The following FGF12 variants were observed in gnomAD, a reference collection of about 807,000 sequenced individuals.
The protein encoded by FGF12 is fibroblast growth factor 12B.
In FGF12, 14 loss-of-function variants were observed where a neutral mutation model predicts 23.6. That is an observed-to-expected ratio of 0.59 (90% confidence interval 0.39 to 0.93). The LOEUF (loss-of-function observed/expected upper bound fraction) is 0.93, where lower values mean the gene tolerates loss of function less well. Among genes scored for constraint, FGF12 ranks in the 40% least tolerant of loss-of-function variants. The pLI is 0.00. For missense variants in FGF12, 175 were observed against 217.8 expected (o/e 0.80, Z 1.24); for synonymous variants, 62 against 77.3 (o/e 0.80, Z 1.04).
chr3:192,319,272 A>C (rs1469099789), intron 4 of FGF12, among the ~76,000 whole-genome samples: 4 of 152,150 alleles, frequency 2.6e-5, no homozygotes, highest in Admixed American at 2.6e-4. Flanking sequence ...ATATCCTGAA[A>C]AGGAAGACTA....
chr3:192,633,203 G>A (rs1715452992), intron 2 of FGF12, among the ~76,000 whole-genome samples: 1 of 152,004 alleles, frequency 6.6e-6, no homozygotes, highest in African/African-American at 2.4e-5. Flanking sequence ...ACATGACCAT[G>A]CCCAGCTAGT....
chr3:192,293,979 G>A (rs1193121626), intron 4 of FGF12, among the ~76,000 whole-genome samples: 1 of 152,170 alleles, frequency 6.6e-6, no homozygotes, highest in Non-Finnish European at 1.5e-5. Flanking sequence ...ATTCACTCAA[G>A]TTGTGGGAGG....
At chr3:192,209,555 G>T (rs1480901551) in intron 4 of FGF12, among the ~76,000 whole-genome samples, 1 of 152,196 alleles carries the variant, frequency 6.6e-6, no homozygotes, top group African/African-American at 2.4e-5. Context: ...GGATAAACAT[G>T]CACAAGATGA....
At chr3:192,529,008 A>AAT (rs1725022467) in intron 2 of FGF12, among the ~76,000 whole-genome samples, 1 of 152,064 alleles carries the variant, frequency 6.6e-6, no homozygotes, top group Admixed American at 6.6e-5. Context: ...ACATTTTTTC[A>AAT]TTGTCTTGGG....
chr3:192,408,005 C>G lies in FGF12; in HGVS notation c.14-47467G>C. The stretch of plus-strand genomic sequence containing the variant: ...GAGGGCGTCCCCTCTGGGGAGCCCA[C>G]TCTCCGGGCTTCTACTGACCTGGTC... On this transcript the variant is annotated intron_variant, in intron 2 of 5. Transcript: ENST00000445105. This position sits in a 1 kb window ranked among gnomAD's most constrained non-coding sequence, Gnocchi z 7.3. The G allele has an allele frequency of 6.3e-7, 1 of 1,589,950 alleles. No individual in the cohort carries two copies. Among genetic ancestry groups the G allele is most frequent in the Middle Eastern group, 1.7e-4 (1 of 5,914 alleles).
At chr3:192,193,806 A>G (rs565249505) in intron 4 of FGF12, among the ~76,000 whole-genome samples, 54 of 152,048 alleles carry the variant, frequency 3.6e-4, no homozygotes, top group African/African-American at 1.2e-3. Context: ...ATGCATTATA[A>G]TTTGTATATG....
chr3:192,686,532 A>C (rs1365144112), intron 2 of FGF12, among the ~76,000 whole-genome samples: 1 of 151,982 alleles, frequency 6.6e-6, no homozygotes, highest in Non-Finnish European at 1.5e-5. Flanking sequence ...TAAGATATTA[A>C]CTTACATTTG....
In FGF12 at chr3:192,252,193, G is replaced by C. The variant is rs907396518; in HGVS notation, c.229-81537C>G. 3.3e-5 allele frequency among the ~76,000 whole-genome samples: 5 copies of C among 151,966 alleles called. No individual in the cohort carries two copies. In the East Asian group the frequency reaches 9.7e-4, roughly 29 times the overall value. ...GAAAGAATATAAGCCGGGCATGGTGGCTCACGCCTGTAATCACAGCACTTT... is the reference window on the plus strand; with the variant it reads ...GAAAGAATATAAGCCGGGCATGGTGCCTCACGCCTGTAATCACAGCACTTT... On this transcript the variant is annotated intron_variant, in intron 4 of 5. Transcript: ENST00000445105.
chr3:192,639,183 A>C (rs1040392557), intron 2 of FGF12, among the ~76,000 whole-genome samples: 5 of 152,232 alleles, frequency 3.3e-5, no homozygotes, highest in African/African-American at 1.2e-4. Flanking sequence ...AAAAATGACC[A>C]ATAGGTATAT....
chr3:192,276,953 C>A (rs988491508), intron 4 of FGF12, among the ~76,000 whole-genome samples: 40 of 152,140 alleles, frequency 2.6e-4, no homozygotes, highest in African/African-American at 8.0e-4. Flanking sequence ...TTCGTTTTGT[C>A]CAATCATATT....
At chr3:192,532,047 T>G (rs1228743229) in intron 2 of FGF12, among the ~76,000 whole-genome samples, 2 of 152,208 alleles carry the variant, frequency 1.3e-5, no homozygotes, top group African/African-American at 4.8e-5. Flanking sequence ...TTGTTGAAGA[T>G]CAATTAGCTA....
chr3:192,198,321 A>G (rs965977432), intron 4 of FGF12, among the ~76,000 whole-genome samples: 1 of 152,190 alleles, frequency 6.6e-6, no homozygotes, highest in African/African-American at 2.4e-5. Flanking sequence ...TTTAAAACTG[A>G]CAAGATTTTT....
chr3:192,708,211 G>A (rs1243105897), intron 2 of FGF12, among the ~76,000 whole-genome samples: 6 of 151,906 alleles, frequency 3.9e-5, no homozygotes, highest in Non-Finnish European at 7.4e-5. Context: ...CACCCACCTC[G>A]GCCTCCCAAA....
intron 2 of FGF12, among the ~76,000 whole-genome samples, chr3:192,434,156 T>A (rs552796138): frequency 6.6e-6 from 1 of 151,734 alleles, no homozygotes; most frequent in Non-Finnish European, 1.5e-5. Context: ...CTTTTGCAAA[T>A]AAAAAAACCC....
intron 4 of FGF12, among the ~76,000 whole-genome samples, chr3:192,214,038 C>A (rs1394534549): frequency 6.6e-6 from 1 of 152,074 alleles, no homozygotes; most frequent in Non-Finnish European, 1.5e-5. Context: ...ATGTAATTTA[C>A]AAATATTATA....
intron 2 of FGF12, among the ~76,000 whole-genome samples, chr3:192,551,585 G>A (rs1439498235): frequency 3.3e-5 from 5 of 152,170 alleles, no homozygotes; most frequent in Non-Finnish European, 4.4e-5. Flanking sequence ...GCATTCGGTC[G>A]AGATGCTGGA....
intron 5 of FGF12, among the ~76,000 whole-genome samples, chr3:192,167,928 G>A (rs1026953449): frequency 2.0e-5 from 3 of 150,728 alleles, no homozygotes; most frequent in African/African-American, 7.3e-5. Flanking sequence ...CACCACGCCC[G>A]GTTAATTTTT....
At chr3:192,444,841 T>C (rs1165756771) in intron 2 of FGF12, among the ~76,000 whole-genome samples, 1 of 152,250 alleles carries the variant, frequency 6.6e-6, no homozygotes, top group Non-Finnish European at 1.5e-5. Context: ...ATTCATGAAT[T>C]CTCTATCTTA....
chr3:192,241,231 A>G (rs1719602528), intron 4 of FGF12, among the ~76,000 whole-genome samples: 1 of 152,192 alleles, frequency 6.6e-6, no homozygotes, highest in Non-Finnish European at 1.5e-5. Context: ...GAATCTATAC[A>G]TTTGTTGAAC....
Sources: gnomAD v4.1 joint callset for allele counts (sites outside exome capture counted in the v4.1 genomes callset) on GRCh38, gnomAD v4.1.1 for gene constraint, Gnocchi (gnomAD v3.1) non-coding constraint, MANE v1.5 for transcripts, NCBI Gene and HGNC (gene_info 2026-07-23, HGNC 2026-07-21) for gene names.